LETM2: variants seen among roughly 807,000 people sequenced by gnomAD.
LETM2 encodes LETM1 domain-containing protein LETM2, mitochondrial.
Under a neutral mutation model 59.6 loss-of-function variants are expected in LETM2, and 58 were observed. The observed-to-expected ratio is 0.97, with a 90% CI of 0.79 to 1.21. The LOEUF (loss-of-function observed/expected upper bound fraction) is 1.21, where lower values mean the gene tolerates loss of function less well. Ranked by LOEUF, LETM2 falls within the 50% of genes most tolerant of loss-of-function variation. The pLI is 0.00. For missense variants in LETM2, 572 were observed against 575.7 expected (o/e 0.99, Z 0.07); for synonymous variants, 199 against 214.1 (o/e 0.93, Z 0.62).
chr8:38,409,261 T>C lies in LETM2; in HGVS notation c.*987T>C, dbSNP rs1464490289. On this transcript the variant is annotated 3_prime_UTR_variant, in exon 11 of 11. Coordinates refer to ENST00000379957, the MANE Select transcript of LETM2 (RefSeq NM_001286819.2). ...GGTGATAAAATTAGATTTCTTTACT[T>C]GCTGTGGTTAGACAGCAGTCAGTTA... The C allele has an allele frequency of 6.6e-6, 1 of 152,240 alleles. No homozygotes were observed. Among genetic ancestry groups the C allele is most frequent in the Non-Finnish European group, 1.5e-5 (1 of 68,038 alleles). 9.4% of individuals were successfully genotyped at this position (152,240 alleles called of 1,614,324 possible).
chr8:38,400,130 C>T, intron 4 of LETM2, 142 bp from the exon 5 acceptor site: 1 of 577,222 alleles, frequency 1.7e-6, no homozygotes, highest in African/African-American at 1.9e-5. Context: ...GTCTCACAAA[C>T]CCATTCATCT....
chr8:38,389,536 G>T (rs1210979457), intron 2 of LETM2, among the ~76,000 whole-genome samples: 1 of 152,050 alleles, frequency 6.6e-6, no homozygotes, highest in Non-Finnish European at 1.5e-5. Context: ...TTTATTCACT[G>T]AGACTAAAGA....
intron 5 of LETM2, 134 bp downstream of exon 5, chr8:38,400,543 G>A (rs895085278): frequency 4.2e-5 from 36 of 848,090 alleles, no homozygotes; most frequent in Non-Finnish European, 6.4e-5. Context: ...ATATAATATT[G>A]TAAACATTTA....
chr8:38,402,691 C>T (rs748146469), intron 7 of LETM2, 47 bp downstream of exon 7: 7 of 1,594,372 alleles, frequency 4.4e-6, no homozygotes, highest in Non-Finnish European at 6.0e-6. Context: ...GAACTCTCTC[C>T]TACAATATGC....
At position 38,394,480 on chromosome 8, in the gene LETM2, G is replaced by A. The variant is rs565882097; in HGVS notation, c.645+239G>A. On this transcript the variant is annotated intron_variant, in intron 4 of 10. Coordinates refer to ENST00000379957, the MANE Select transcript of LETM2 (RefSeq NM_001286819.2). ...TCTTCATGTTGAAGCATTTCTGTGG[G>A]CTTTGCAAATGCATAATTTCATGTA... is the stretch of plus-strand genomic sequence containing the variant. 1.7e-5 allele frequency: 6 copies of A among 346,354 alleles called. No homozygotes were observed. In the Admixed American group the frequency reaches 1.8e-4, roughly 10 times the overall value. 21.5% of individuals were successfully genotyped at this position (346,354 alleles called of 1,614,324 possible).
chr8:38,400,813 G>C (rs371874272), intron 5 of LETM2, 40 bp from the exon 6 acceptor site: 189 of 1,559,714 alleles, frequency 1.2e-4, no homozygotes, highest in Non-Finnish European at 1.4e-4. Flanking sequence ...AAATTAAGTA[G>C]AAAACACATT....
At chr8:38,384,539 G>T (rs980185833), upstream of LETM2, among the ~76,000 whole-genome samples, 2 of 152,034 alleles carry the variant, frequency 1.3e-5, no homozygotes, top group African/African-American at 2.4e-5. Flanking sequence ...CAATTCTCAG[G>T]GCCAGAGTCA....
intron 2 of LETM2, among the ~76,000 whole-genome samples, chr8:38,388,697 G>T (rs933076139): frequency 4.7e-5 from 7 of 147,662 alleles, no homozygotes; most frequent in Admixed American, 4.7e-4. Context: ...TCCAGCTTGG[G>T]CAACAAGAGT....
chr8:38,396,456 G>A (rs1305788334), intron 4 of LETM2, among the ~76,000 whole-genome samples: 4 of 152,128 alleles, frequency 2.6e-5, no homozygotes, highest in African/African-American at 4.8e-5. Flanking sequence ...GAGCCACTGC[G>A]CCAGGCCGAG....
At chr8:38,399,126 A>C (rs552605099) in intron 4 of LETM2, among the ~76,000 whole-genome samples, 1 of 152,010 alleles carries the variant, frequency 6.6e-6, no homozygotes, top group East Asian at 1.9e-4. Flanking sequence ...TGATCATTAG[A>C]ATCTCCTAGG....
Position 38,400,287 on chromosome 8 carries a change from A to C in LETM2, c.661A>C (p.Lys221Gln), listed in dbSNP as rs1251747722. The change falls in exon 5 of 11, where the codon AAG becomes CAG. Residue 221 changes from lysine to glutamine, a missense_variant. Transcript: ENST00000379957. The stretch of plus-strand genomic sequence containing the variant: ...TACCATTAAGGAAGAAAAACAGAAA[A>C]AGAAAATGGCTGTAAAGTTGGAACT... ...SESKKEEKQK[K>Q]KMAVKLELAK... The C allele has an allele frequency of 1.2e-6, 2 of 1,609,292 alleles. No individual in the cohort carries two copies. The highest frequency in any genetic ancestry group is 1.7e-6 in the Non-Finnish European group (2 of 1,178,482).
intron 8 of LETM2, among the ~76,000 whole-genome samples, chr8:38,406,271 A>C (rs1402170425): frequency 6.6e-6 from 1 of 152,212 alleles, no homozygotes; most frequent in Non-Finnish European, 1.5e-5. Flanking sequence ...AAAATGAAAA[A>C]GATGCAACAT....
intron 2 of LETM2, among the ~76,000 whole-genome samples, chr8:38,388,358 G>A (rs534770091): frequency 1.2e-3 from 176 of 151,956 alleles, no homozygotes; most frequent in African/African-American, 3.9e-3. Flanking sequence ...GGGATTACAG[G>A]CGTGAGTCAC....
At chr8:38,388,143 CA>C in intron 2 of LETM2, 113 bp downstream of exon 2, 1 of 714,448 alleles carries the variant, frequency 1.4e-6, no homozygotes, top group Non-Finnish European at 2.3e-6. Flanking sequence ...TTCAATGGTG[CA>C]ATCTCGGCTC....
intron 2 of LETM2, among the ~76,000 whole-genome samples, chr8:38,390,214 T>C (rs552452056): frequency 6.6e-6 from 1 of 151,694 alleles, no homozygotes; most frequent in South Asian, 2.1e-4. Context: ...CCAGGCATGG[T>C]GCATATGCCT....
At position 38,407,030 on chromosome 8, in the gene LETM2, G is replaced by A; in HGVS notation, c.1303G>A (p.Gly435Arg). 1 of 1,598,474 alleles carries A rather than the reference G, an allele frequency of 6.3e-7. No homozygotes were observed. Among genetic ancestry groups the A allele is most frequent in the East Asian group, 2.2e-5 (1 of 44,768 alleles). ...NMVDLAPQLK[G>R]TKDEDFIQPP... Reference sequence around the variant, plus strand: ...GGTGGATCTTGCACCTCAACTGAAGGGAACTAAGGTTAGACAGTTACTTTC... The same window carrying A: ...GGTGGATCTTGCACCTCAACTGAAGAGAACTAAGGTTAGACAGTTACTTTC... Residue 435 changes from glycine (G) to arginine (R), a missense_variant, in exon 9 of 11, where the codon GGA becomes AGA. Physicochemically the swap from Gly to Arg is moderately radical, Grantham distance 125. Transcript: ENST00000379957.
At chr8:38,400,452 C>T (rs112782787) in intron 5 of LETM2, 43 bp downstream of exon 5, 138 of 1,517,168 alleles carry the variant, frequency 9.1e-5, no homozygotes, top group South Asian at 2.3e-4. Context: ...CGGGGCTGGG[C>T]GTTCTATGAA....
chr8:38,400,727 G>T, intron 5 of LETM2, 126 bp from the exon 6 acceptor site: 2 of 871,458 alleles, frequency 2.3e-6, no homozygotes, highest in Non-Finnish European at 3.6e-6. Context: ...TTTATACCAC[G>T]AAGCCGATTT....
chr8:38,383,464 C>T (rs1428924721), upstream of LETM2: 1 of 152,176 alleles, frequency 6.6e-6, no homozygotes, highest in East Asian at 1.9e-4. Flanking sequence ...ACGTCATACT[C>T]TGTAGACGTT....
Sources: allele counts gnomAD v4.1 joint callset (sites outside exome capture counted in the v4.1 genomes callset), GRCh38; gene constraint gnomAD v4.1.1; transcripts MANE v1.5; gene names NCBI Gene and HGNC (gene_info 2026-07-23, HGNC 2026-07-21).